Variants in ZFAT observed in about 807,000 individuals in gnomAD.
ZFAT encodes zinc finger protein ZFAT.
Under a neutral mutation model 117.7 loss-of-function variants are expected in ZFAT, and 64 were observed. The observed-to-expected ratio is 0.54, with a 90% confidence interval of 0.44 to 0.67. The LOEUF (loss-of-function observed/expected upper bound fraction) is 0.67, where lower values mean the gene tolerates loss of function less well. Ranked by LOEUF, ZFAT falls within the 30% of genes least tolerant of loss-of-function variation. The pLI, the probability that ZFAT is intolerant of heterozygous loss-of-function variation, is 0.00. For missense variants in ZFAT, 1,433 were observed against 1,584.5 expected (o/e 0.90, Z 1.62); for synonymous variants, 679 against 615.0 (o/e 1.10, Z -1.54).
chr8:134,772,445 C>T, the ZFAT span, among the ~76,000 whole-genome samples: 40 of 152,260 alleles, frequency 2.6e-4, no homozygotes, highest in South Asian at 1.2e-3. Flanking sequence ...CCACAATATC[C>T]GCTTAAGCCA....
intron 1 of ZFAT, among the ~76,000 whole-genome samples, chr8:134,711,924 A>T (rs1406554615): frequency 6.6e-6 from 1 of 152,224 alleles, no homozygotes; most frequent in Non-Finnish European, 1.5e-5. Context: ...CAGTAGATGA[A>T]CTGGTAGGCT....
chr8:134,670,950 T>C (rs1832531833), intron 1 of ZFAT, among the ~76,000 whole-genome samples: 1 of 152,080 alleles, frequency 6.6e-6, no homozygotes, highest in Non-Finnish European at 1.5e-5. Context: ...AAATACAAAC[T>C]ACCATCAGAG....
intron 3 of ZFAT, among the ~76,000 whole-genome samples, chr8:134,618,454 A>G (rs1828892873): frequency 6.6e-6 from 1 of 152,108 alleles, no homozygotes; most frequent in Non-Finnish European, 1.5e-5. Flanking sequence ...TATTTGAAAA[A>G]GAGTGGCTGC....
chr8:134,612,432 A>T (rs17697655), intron 3 of ZFAT, among the ~76,000 whole-genome samples: 28,462 of 152,232 alleles, frequency 0.19, 2,795 homozygotes, highest in Middle Eastern at 0.23. Context: ...GTACCAAGGA[A>T]TGCCTGAAGG....
chr8:134,612,223 C>T (rs928656322), intron 3 of ZFAT, among the ~76,000 whole-genome samples: 32 of 152,296 alleles, frequency 2.1e-4, no homozygotes, highest in African/African-American at 6.0e-4. Context: ...AGTGTGGAAA[C>T]GGATGAAGGG....
At chr8:134,736,992 T>C in the ZFAT span, among the ~76,000 whole-genome samples, 1 of 152,158 alleles carries the variant, frequency 6.6e-6, no homozygotes. Context: ...TGTAAAAACA[T>C]AGTTCTGGCC....
chr8:134,497,297 C>CA (rs1286615652), intron 15 of ZFAT, among the ~76,000 whole-genome samples: 1 of 152,266 alleles, frequency 6.6e-6, no homozygotes, highest in African/African-American at 2.4e-5. Context: ...AACTGCATCT[C>CA]AGAGCAGCAG....
chr8:134,753,765 GCAA>G, the ZFAT span, among the ~76,000 whole-genome samples: 1 of 152,258 alleles, frequency 6.6e-6, no homozygotes, highest in Non-Finnish European at 1.5e-5. Flanking sequence ...ATATAACACT[GCAA>G]CTATATAAAT....
the ZFAT span, among the ~76,000 whole-genome samples, chr8:134,780,387 C>G: frequency 2.0e-5 from 3 of 152,180 alleles, no homozygotes; most frequent in African/African-American, 7.2e-5. Flanking sequence ...GCCTATTTTC[C>G]TATACCTACC....
At chr8:134,598,950 C>A (rs970362290) in intron 7 of ZFAT, 2 of 152,328 alleles carry the variant, frequency 1.3e-5, no homozygotes, top group Admixed American at 1.3e-4. Context: ...CAGCAGTCTG[C>A]TTCCTAGTTT....
rs115684246 is a variant in ZFAT at position 134,695,610 on chromosome 8, C to T, written c.19+17235G>A. ...TAACCAGGAAGGCGCTGCCCTCAGG[C>T]CCTGCCCGCATCTCTAACCAAGGTG... On this transcript the variant is annotated intron_variant, in intron 1 of 15. Transcript: ENST00000377838. 6.2e-3 allele frequency among the ~76,000 whole-genome samples: 929 copies of T among 150,486 alleles called. 9 individuals are homozygous for T. Among genetic ancestry groups the T allele is most frequent in the African/African-American group, 0.021 (867 of 40,836 alleles).
intron 10 of ZFAT, among the ~76,000 whole-genome samples, chr8:134,566,416 AGGTTTTAGC>A (rs1824473751): frequency 6.6e-6 from 1 of 151,688 alleles, no homozygotes; most frequent in East Asian, 1.9e-4. Flanking sequence ...AAAAAGATTA[AGGTTTTAGC>A]AATATTTAAA....
At chr8:134,575,225 GA>G (rs1021876210) in intron 10 of ZFAT, among the ~76,000 whole-genome samples, 3 of 151,968 alleles carry the variant, frequency 2.0e-5, no homozygotes, top group Non-Finnish European at 2.9e-5. Flanking sequence ...ATCATATATG[GA>G]AAAAAAATAA....
At chr8:134,789,564 A>T in the ZFAT span, among the ~76,000 whole-genome samples, 5 of 152,250 alleles carry the variant, frequency 3.3e-5, no homozygotes, top group South Asian at 6.2e-4. Context: ...TTTCTTGCCC[A>T]TTCTTCCTTA....
chr8:134,641,952 C>G (rs1046284347), intron 2 of ZFAT, among the ~76,000 whole-genome samples: 1 of 152,184 alleles, frequency 6.6e-6, no homozygotes, highest in Non-Finnish European at 1.5e-5. Context: ...AACGTGAACA[C>G]TATGAAAAAA....
At chr8:134,656,074 G>A (rs983244654) in intron 2 of ZFAT, among the ~76,000 whole-genome samples, 5 of 152,188 alleles carry the variant, frequency 3.3e-5, no homozygotes, top group African/African-American at 1.2e-4. Context: ...CAGCAGGGAA[G>A]TGGGCCATGG....
chr8:134,809,008 G>A, the ZFAT span, among the ~76,000 whole-genome samples: 3 of 152,274 alleles, frequency 2.0e-5, no homozygotes, highest in Admixed American at 6.5e-5. Flanking sequence ...CCTCTAACAG[G>A]AGCACGTCTC....
At chr8:134,623,955 C>A (rs1404564686) in intron 3 of ZFAT, among the ~76,000 whole-genome samples, 3 of 152,164 alleles carry the variant, frequency 2.0e-5, no homozygotes, top group Non-Finnish European at 2.9e-5. Flanking sequence ...CTGTTCCCCA[C>A]ACTTATCTCA....
At chr8:134,538,796 CAAAAAA>C (rs35209102) in intron 11 of ZFAT, among the ~76,000 whole-genome samples, 1 of 105,098 alleles carries the variant, frequency 9.5e-6, no homozygotes, top group Admixed American at 9.5e-5. Context: ...GACCCTGTCA[CAAAAAA>C]AAAAAAAAAA....
Sources: allele counts gnomAD v4.1 joint callset (sites outside exome capture counted in the v4.1 genomes callset), GRCh38; gene constraint gnomAD v4.1.1; transcripts MANE v1.5; gene names NCBI Gene and HGNC (gene_info 2026-07-23, HGNC 2026-07-21).